Variants in UBE3D observed in about 807,000 individuals in gnomAD.
The protein encoded by UBE3D is ubiquitin protein ligase E3D, also known as E3 ubiquitin-protein ligase E3D.
In UBE3D, 48 loss-of-function variants were observed where a neutral mutation model predicts 49.6. The ratio of observed to expected loss-of-function variants is 0.97; its 90% CI spans 0.77 to 1.23. UBE3D has a LOEUF of 1.23. Among genes scored for constraint, UBE3D ranks in the 50% most tolerant of loss-of-function variants. UBE3D has a pLI of 0.00. For synonymous variants in UBE3D, 189 were observed against 174.2 expected (o/e 1.08, Z -0.67); for missense variants, 452 against 468.4 (o/e 0.96, Z 0.32).
At chr6:83,020,341 G>GT (rs11341564) in intron 7 of UBE3D, among the ~76,000 whole-genome samples, 4,723 of 141,272 alleles carry the variant, frequency 0.033, 112 homozygotes, top group Admixed American at 0.078. Flanking sequence ...ATGTGATACT[G>GT]TTTTTTTTTT....
At chr6:82,937,416 G>C (rs1398797048) in intron 9 of UBE3D, among the ~76,000 whole-genome samples, 2 of 152,180 alleles carry the variant, frequency 1.3e-5, no homozygotes, top group African/African-American at 4.8e-5. Flanking sequence ...AGCAAGCTCA[G>C]TTATTTCAAT....
Position 82,901,540 on chromosome 6 carries a change from T to C in UBE3D, c.1150-8498A>G, listed in dbSNP as rs1771737611. Among the ~76,000 whole-genome samples, 7 of 152,306 alleles carry C rather than the reference T, an allele frequency of 4.6e-5. No homozygotes were observed. In the South Asian group the frequency reaches 1.5e-3, roughly 32 times the overall value. On this transcript the variant is annotated intron_variant, in intron 9 of 9. Transcript: ENST00000369747. ...AGGTGATTCTGATGCCTGCTAGGTTTGAGAGCTGTTGATCTAGTCCAACCA... is the reference window on the plus strand; with the variant it reads ...AGGTGATTCTGATGCCTGCTAGGTTCGAGAGCTGTTGATCTAGTCCAACCA...
chr6:83,053,462 G>C (rs1240589867), intron 3 of UBE3D, among the ~76,000 whole-genome samples: 1 of 152,130 alleles, frequency 6.6e-6, no homozygotes, highest in Non-Finnish European at 1.5e-5. Context: ...ACTCGTGGCT[G>C]AAATTTTAGG....
chr6:82,957,785 T>G lies in UBE3D; in HGVS notation c.1011-335A>C, dbSNP rs536423340. On this transcript the variant is annotated intron_variant, in intron 8 of 9. Coordinates refer to ENST00000369747, the MANE Select transcript of UBE3D (RefSeq NM_198920.3). ...TGAATGCTTCCTACATTCTATGCCC[T>G]GTTCTACATGTAATCTCGTTTACCC... Among the ~76,000 whole-genome samples the G allele has an allele frequency of 7.9e-5, 12 of 152,320 alleles. No individual in the cohort carries two copies. In the South Asian group the frequency reaches 2.5e-3, roughly 32 times the overall value.
intron 9 of UBE3D, among the ~76,000 whole-genome samples, chr6:82,893,312 C>T (rs527463194): frequency 2.6e-4 from 40 of 152,164 alleles, no homozygotes; most frequent in South Asian, 2.5e-3. Flanking sequence ...TATATTGCTA[C>T]GAAGTAATCC....
At chr6:82,888,550 A>C (rs1770929835), downstream of UBE3D, among the ~76,000 whole-genome samples, 1 of 152,190 alleles carries the variant, frequency 6.6e-6, no homozygotes, top group Non-Finnish European at 1.5e-5. Context: ...TCATCTGGCC[A>C]GCAGTTGTCA....
intron 3 of UBE3D, among the ~76,000 whole-genome samples, chr6:83,047,061 T>C (rs555847255): frequency 2.2e-4 from 34 of 152,340 alleles, no homozygotes; most frequent in Non-Finnish European, 1.0e-4. Flanking sequence ...TCTTAAATAT[T>C]TGTTGAAGAA....
chr6:82,897,777 T>C (rs1771436563), intron 9 of UBE3D, among the ~76,000 whole-genome samples: 1 of 152,198 alleles, frequency 6.6e-6, no homozygotes, highest in Non-Finnish European at 1.5e-5. Context: ...TTTTTCTAAC[T>C]TACTAATTTG....
At chr6:82,898,993 A>C (rs996675023) in intron 9 of UBE3D, among the ~76,000 whole-genome samples, 2 of 152,060 alleles carry the variant, frequency 1.3e-5, no homozygotes, top group Non-Finnish European at 2.9e-5. Flanking sequence ...GAAGTCAAGG[A>C]ATTAGGTGAT....
chr6:82,988,643 A>G (rs1428890945), intron 8 of UBE3D, among the ~76,000 whole-genome samples: 1 of 152,226 alleles, frequency 6.6e-6, no homozygotes, highest in Non-Finnish European at 1.5e-5. Context: ...GGGCTGTCAC[A>G]GCAGAAATAT....
At chr6:83,028,208 T>C (rs1781618778) in intron 5 of UBE3D, among the ~76,000 whole-genome samples, 1 of 152,230 alleles carries the variant, frequency 6.6e-6, no homozygotes, top group African/African-American at 2.4e-5. Context: ...TGTTTTACAG[T>C]TTACACACAA....
intron 9 of UBE3D, among the ~76,000 whole-genome samples, chr6:82,955,703 T>C (rs1240279949): frequency 1.3e-5 from 2 of 152,200 alleles, no homozygotes; most frequent in African/African-American, 4.8e-5. Context: ...GCAGATCTAA[T>C]AACCTGCCTC....
chr6:82,964,801 T>C (rs1305826491), intron 8 of UBE3D, among the ~76,000 whole-genome samples: 1 of 152,216 alleles, frequency 6.6e-6, no homozygotes, highest in Non-Finnish European at 1.5e-5. Flanking sequence ...GAATGTCTGT[T>C]CTGATGAGCC....
At chr6:82,956,457 A>C (rs899864808) in intron 9 of UBE3D, among the ~76,000 whole-genome samples, 2 of 152,184 alleles carry the variant, frequency 1.3e-5, no homozygotes, top group Non-Finnish European at 2.9e-5. Context: ...CATTTGCAGA[A>C]CTGAGTTAGA....
intron 9 of UBE3D, among the ~76,000 whole-genome samples, chr6:82,895,562 G>T (rs1195759340): frequency 6.6e-6 from 1 of 152,072 alleles, no homozygotes; most frequent in Non-Finnish European, 1.5e-5. Context: ...CCCACAAAAT[G>T]GGAATTCTAA....
intron 9 of UBE3D, among the ~76,000 whole-genome samples, chr6:82,908,529 A>C (rs1202155951): frequency 6.6e-6 from 1 of 152,200 alleles, no homozygotes; most frequent in Non-Finnish European, 1.5e-5. Flanking sequence ...CTCTAGAGCT[A>C]CTGAAATACG....
chr6:82,896,640 T>C (rs897504794), intron 9 of UBE3D, among the ~76,000 whole-genome samples: 1 of 152,238 alleles, frequency 6.6e-6, no homozygotes, highest in African/African-American at 2.4e-5. Context: ...AATACATTTG[T>C]GTGACACGTT....
intron 9 of UBE3D, among the ~76,000 whole-genome samples, chr6:82,900,164 C>G (rs540182984): frequency 6.6e-6 from 1 of 152,318 alleles, no homozygotes; most frequent in African/African-American, 2.4e-5. Flanking sequence ...CTGTGCTGCC[C>G]TATTGGCGAC....
At chr6:82,996,339 TAAATAAATAAATAA>T (rs1359603551) in intron 8 of UBE3D, among the ~76,000 whole-genome samples, 3 of 127,336 alleles carry the variant, frequency 2.4e-5, no homozygotes, top group African/African-American at 9.0e-5. Flanking sequence ...AATAAATAAA[TAAATAAATAAATAA>T]ATAAAATCAT....
Sources: gnomAD v4.1 joint callset for allele counts (sites outside exome capture counted in the v4.1 genomes callset) on GRCh38, gnomAD v4.1.1 for gene constraint, MANE v1.5 for transcripts, NCBI Gene and HGNC (gene_info 2026-07-23, HGNC 2026-07-21) for gene names.